ELFN1: variants seen among roughly 807,000 people sequenced by gnomAD.
ELFN1 encodes extracellular leucine rich repeat and fibronectin type III domain containing 1.
Under a neutral mutation model 7.6 loss-of-function variants are expected in ELFN1, and 6 were observed. That is an observed-to-expected ratio of 0.79 (90% CI 0.43 to 1.56). ELFN1 has a LOEUF of 1.56. Ranked by LOEUF, ELFN1 falls within the 40% of genes most tolerant of loss-of-function variation. The pLI is 0.01. For synonymous variants in ELFN1, 657 were observed against 588.1 expected (o/e 1.12, Z -1.70); for missense variants, 1,169 against 1,232.2 (o/e 0.95, Z 0.77).
At position 1,745,294 on chromosome 7, in the gene ELFN1, G is replaced by T; in HGVS notation, c.698G>T (p.Gly233Val). 1.9e-6 allele frequency: 3 copies of T among 1,538,556 alleles called. No homozygotes were observed. Among genetic ancestry groups the T allele is most frequent in the East Asian group, 2.4e-5 (1 of 40,910 alleles). Residue 233 changes from glycine to valine, a missense_variant, in exon 4 of 4, where the codon GGC becomes GTC. Transcript: ENST00000424383. ...GTCTACTCCGGCTACTACCTCCTGG[G>T]CCAGGGCCGCCGCGGCCACCGCAGC... ...PPVYSGYYLL[G>V]QGRRGHRSIL... is the part of the protein sequence containing the mutation.
At chr7:1,708,597 C>T (rs1325652203) in intron 2 of ELFN1, among the ~76,000 whole-genome samples, 5 of 152,146 alleles carry the variant, frequency 3.3e-5, no homozygotes, top group Non-Finnish European at 7.4e-5. Flanking sequence ...GTGAGCATAC[C>T]CAGGGTCTCT....
chr7:1,699,973 T>C (rs1014158616), intron 2 of ELFN1, among the ~76,000 whole-genome samples: 5 of 152,232 alleles, frequency 3.3e-5, no homozygotes, highest in African/African-American at 1.2e-4. Context: ...GTGCTGGGAT[T>C]ACAGGCGTGA....
chr7:1,728,540 G>A (rs1780255882), intron 3 of ELFN1, among the ~76,000 whole-genome samples: 1 of 152,150 alleles, frequency 6.6e-6, no homozygotes, highest in Non-Finnish European at 1.5e-5. Context: ...CAGCGCTCAG[G>A]GTCCCCTGGT....
At chr7:1,723,879 C>T in intron 3 of ELFN1, among the ~76,000 whole-genome samples, 1 of 152,238 alleles carries the variant, frequency 6.6e-6, no homozygotes. Context: ...CTGCCCTCAG[C>T]CAGACACCCC....
Position 1,735,631 on chromosome 7 carries a change from G to A in ELFN1, c.-293-8673G>A, listed in dbSNP as rs955164037. Among the ~76,000 whole-genome samples, 22 of 152,118 alleles carry A rather than the reference G, an allele frequency of 1.4e-4. No homozygotes were observed. Among genetic ancestry groups the A allele is most frequent in the African/African-American group, 5.1e-4 (21 of 41,416 alleles). ...GACTGGGTCTGGGGGAGCCATGAGG[G>A]AGCCCCCAGAGCTGGTGAGATCCCT... On this transcript the variant is annotated intron_variant, in intron 3 of 3. Coordinates refer to ENST00000424383, the MANE Select transcript of ELFN1 (RefSeq NM_001128636.4). The surrounding 1 kb of genome is among the most constrained non-coding windows in gnomAD (Gnocchi z 5.9).
rs755993008 is a variant in ELFN1 at position 1,740,360 on chromosome 7, G to A, written c.-293-3944G>A. Among the ~76,000 whole-genome samples the A allele has an allele frequency of 2.0e-5, 3 of 152,380 alleles. No homozygotes were observed. Among genetic ancestry groups the A allele is most frequent in the East Asian group, 1.9e-4 (1 of 5,188 alleles). Reference sequence around the variant, plus strand: ...GTGTGCTGAGGAGGGGACCAGGGCTGGAGCTGGGTCTGTGAAGGACAGTAA... The same window carrying A: ...GTGTGCTGAGGAGGGGACCAGGGCTAGAGCTGGGTCTGTGAAGGACAGTAA... On this transcript the variant is annotated intron_variant, in intron 3 of 3. Transcript: ENST00000424383. This position sits in a 1 kb window ranked among gnomAD's most constrained non-coding sequence, Gnocchi z 5.0.
At chr7:1,707,173 G>T (rs1003235519) in intron 2 of ELFN1, among the ~76,000 whole-genome samples, 3 of 152,252 alleles carry the variant, frequency 2.0e-5, no homozygotes, top group African/African-American at 7.2e-5. Context: ...CTCCCAAGGG[G>T]TCTGGGCCTC....
intron 3 of ELFN1, among the ~76,000 whole-genome samples, chr7:1,711,130 C>A (rs1358752929): frequency 6.6e-6 from 1 of 152,242 alleles, no homozygotes; most frequent in African/African-American, 2.4e-5. Flanking sequence ...TCTGGGATCC[C>A]TCCAAGCCCT....
chr7:1,674,799 T>C (rs956326473), intron 1 of ELFN1, among the ~76,000 whole-genome samples: 1 of 152,108 alleles, frequency 6.6e-6, no homozygotes, highest in Non-Finnish European at 1.5e-5. Context: ...AACTGCACTC[T>C]GGGCTTCCGA....
intron 2 of ELFN1, among the ~76,000 whole-genome samples, chr7:1,698,057 TC>T (rs1779355510): frequency 1.3e-5 from 2 of 152,210 alleles, no homozygotes; most frequent in Non-Finnish European, 2.9e-5. Context: ...AATAAATATT[TC>T]CAAATGTGCC....
At chr7:1,728,970 T>C (rs1780266463) in intron 3 of ELFN1, among the ~76,000 whole-genome samples, 1 of 152,178 alleles carries the variant, frequency 6.6e-6, no homozygotes, top group Non-Finnish European at 1.5e-5. Flanking sequence ...AAAGGTAAAC[T>C]GAGGCTCAAA....
At chr7:1,701,926 C>T (rs987608495) in intron 2 of ELFN1, among the ~76,000 whole-genome samples, 1 of 152,030 alleles carries the variant, frequency 6.6e-6, no homozygotes, top group Non-Finnish European at 1.5e-5. Flanking sequence ...TGACTTTATA[C>T]GTGATGGGAA....
chr7:1,745,163 C>T lies in ELFN1; in HGVS notation c.567C>T (p.Ser189=). The T allele has an allele frequency of 1.9e-6, 3 of 1,549,636 alleles. No individual in the cohort carries two copies. The highest frequency in any genetic ancestry group is 2.6e-6 in the Non-Finnish European group (3 of 1,146,984). ...LAKLSVCELY[S]NPFYCSCELL... ...AGCTGTCGGTGTGCGAGCTCTACAG[C>T]AACCCCTTCTACTGCTCCTGCGAGC... The change falls in exon 4 of 4, where the codon AGC becomes AGT. Residue 189 remains serine, a synonymous_variant. Coordinates refer to ENST00000424383, the MANE Select transcript of ELFN1 (RefSeq NM_001128636.4).
chr7:1,745,609 C>G lies in ELFN1; in HGVS notation c.1013C>G (p.Pro338Arg). The change falls in exon 4 of 4, where the codon CCG becomes CGG. Residue 338 changes from proline to arginine, a missense_variant. Physicochemically the swap from Pro to Arg is moderately radical, Grantham distance 103 (BLOSUM62 -2). Around this residue, in one of 2 missense-constraint regions of ELFN1, gnomAD observed 914 missense variants for 872.6 expected, o/e 1.05. Transcript: ENST00000424383. ...ACCATCACCGTCCAGCTGCCCAGCC[C>G]GTTCCACCGGATGTACACCCTGGAG... ...SATITVQLPS[P>R]FHRMYTLEHF... 1.3e-6 allele frequency: 2 copies of G among 1,551,094 alleles called. No individual in the cohort carries two copies. Among genetic ancestry groups the G allele is most frequent in the Non-Finnish European group, 1.7e-6 (2 of 1,146,988 alleles).
intron 1 of ELFN1, among the ~76,000 whole-genome samples, chr7:1,685,952 GTTATA>G (rs1316588811): frequency 8.9e-5 from 13 of 146,780 alleles, no homozygotes; most frequent in East Asian, 2.0e-4. Context: ...ATTATATATA[GTTATA>G]TTATACAAAT....
At chr7:1,713,753 G>C (rs193260826) in intron 3 of ELFN1, among the ~76,000 whole-genome samples, 13 of 152,110 alleles carry the variant, frequency 8.5e-5, no homozygotes, top group African/African-American at 3.1e-4. Flanking sequence ...CTCTGGGGAG[G>C]GGGGGGCGAT....
chr7:1,713,361 G>A (rs1318084883), intron 3 of ELFN1, among the ~76,000 whole-genome samples: 2 of 152,240 alleles, frequency 1.3e-5, no homozygotes, highest in African/African-American at 4.8e-5. Context: ...GGTGGAGGCA[G>A]CCGCTCCGCT....
intron 2 of ELFN1, among the ~76,000 whole-genome samples, chr7:1,706,966 G>T (rs1779544583): frequency 6.6e-6 from 1 of 152,088 alleles, no homozygotes; most frequent in Non-Finnish European, 1.5e-5. Flanking sequence ...ATGCCTCTGT[G>T]TGCGCATGCA....
chr7:1,746,912 C>T lies in ELFN1; in HGVS notation c.2316C>T (p.Ala772=). Residue 772 remains alanine (A), a synonymous_variant, in exon 4 of 4, where the codon GCC becomes GCT. Coordinates refer to ENST00000424383, the MANE Select transcript of ELFN1 (RefSeq NM_001128636.4). ...YSSSPEYTCR[A]SQSIWERFRL... ...CCAGCCCCGAGTACACCTGCCGGGC[C>T]TCCCAGAGCATCTGGGAGCGCTTCA... The T allele has an allele frequency of 6.5e-7, 1 of 1,548,412 alleles. No homozygotes were observed.
Sources: gnomAD v4.1 joint callset for allele counts (sites outside exome capture counted in the v4.1 genomes callset) on GRCh38, gnomAD v4.1.1 for gene constraint, gnomAD v4.1.1 regional missense constraint, Gnocchi (gnomAD v3.1) non-coding constraint, MANE v1.5 for transcripts, NCBI Gene and HGNC (gene_info 2026-07-23, HGNC 2026-07-21) for gene names.